The following PPP3CA variants were observed in gnomAD, a reference collection of about 807,000 sequenced individuals.
PPP3CA encodes the protein protein phosphatase 3 catalytic subunit alpha, also known as CAM-PRP catalytic subunit.
Under a neutral mutation model 66.5 loss-of-function variants are expected in PPP3CA, and 14 were observed. The ratio of observed to expected loss-of-function variants is 0.21; its 90% CI spans 0.14 to 0.33. The LOEUF (loss-of-function observed/expected upper bound fraction) is 0.33, where lower values mean the gene tolerates loss of function less well. Ranked by LOEUF, PPP3CA falls within the 10% of genes least tolerant of loss-of-function variation. PPP3CA has a pLI of 1.00. For synonymous variants in PPP3CA, 232 were observed against 226.2 expected (o/e 1.03, Z -0.23); for missense variants, 317 against 639.5 (o/e 0.50, Z 5.44).
chr4:101,037,051 C>A (rs1343796553), intron 11 of PPP3CA, among the ~76,000 whole-genome samples: 1 of 152,148 alleles, frequency 6.6e-6, no homozygotes, highest in Non-Finnish European at 1.5e-5. Context: ...ATCCAGAGAA[C>A]TGGGCTTCGA....
Position 101,025,412 on chromosome 4 carries a change from A to C in PPP3CA, c.*453T>G, listed in dbSNP as rs1372399937. The C allele has an allele frequency of 6.6e-6, 1 of 152,352 alleles. No individual in the cohort carries two copies. The highest frequency in any genetic ancestry group is 1.5e-5 in the Non-Finnish European group (1 of 68,146). The allele number at this position is 152,352 out of a possible 1,614,324, so 9.4% of individuals were successfully genotyped here. On this transcript the variant is annotated 3_prime_UTR_variant, in exon 14 of 14. Transcript: ENST00000394854. ...CTTAGTTTGTACATCATTTTGTTAA[A>C]AATGTTTGATGTCATCCATTTTTAG...
chr4:101,318,587 GCT>G (rs2092874414), intron 1 of PPP3CA, among the ~76,000 whole-genome samples: 2 of 152,082 alleles, frequency 1.3e-5, no homozygotes, highest in South Asian at 4.1e-4. Context: ...TGTGGTAACT[GCT>G]CTGTTTGTAT....
intron 6 of PPP3CA, among the ~76,000 whole-genome samples, chr4:101,088,568 G>C (rs1265800299): frequency 8.5e-6 from 1 of 117,168 alleles, no homozygotes. Context: ...CTGGGCGACA[G>C]AGCAAGACTC....
chr4:101,137,114 T>C (rs891377019), intron 2 of PPP3CA, among the ~76,000 whole-genome samples: 7 of 152,150 alleles, frequency 4.6e-5, no homozygotes, highest in Non-Finnish European at 1.0e-4. Flanking sequence ...TAATTTTCCT[T>C]GACTGTAAGA....
intron 1 of PPP3CA, among the ~76,000 whole-genome samples, chr4:101,260,505 C>T (rs1056455937): frequency 6.6e-6 from 1 of 152,018 alleles, no homozygotes; most frequent in African/African-American, 2.4e-5. Context: ...ATGGAAATAC[C>T]CAAGATCTCT....
intron 2 of PPP3CA, chr4:101,171,349 TCA>T: frequency 8.0e-6 from 1 of 125,362 alleles, no homozygotes; most frequent in East Asian, 1.9e-4. Flanking sequence ...AACAATTCTT[TCA>T]AAAAAAAAAA....
chr4:101,036,276 A>G (rs902224940), intron 11 of PPP3CA, among the ~76,000 whole-genome samples: 1 of 152,172 alleles, frequency 6.6e-6, no homozygotes, highest in African/African-American at 2.4e-5. Flanking sequence ...TTTTATTTCT[A>G]TTGGAAAGCA....
chr4:101,087,362 A>G (rs1369007543), intron 6 of PPP3CA, among the ~76,000 whole-genome samples: 5 of 152,212 alleles, frequency 3.3e-5, no homozygotes, highest in Admixed American at 3.3e-4. Flanking sequence ...ATACAGAAAA[A>G]GGCAAAAATT....
intron 1 of PPP3CA, among the ~76,000 whole-genome samples, chr4:101,339,073 T>A (rs893442528): frequency 6.6e-6 from 1 of 152,186 alleles, no homozygotes; most frequent in Non-Finnish European, 1.5e-5. Context: ...TAACTTTTCA[T>A]AGCCCATGTA....
intron 11 of PPP3CA, among the ~76,000 whole-genome samples, chr4:101,033,800 C>T (rs1727120248): frequency 6.6e-6 from 1 of 152,180 alleles, no homozygotes; most frequent in Non-Finnish European, 1.5e-5. Context: ...TTTCCTTCAG[C>T]CCTGTATCAC....
At chr4:101,152,677 A>G (rs13102391) in intron 2 of PPP3CA, among the ~76,000 whole-genome samples, 14,832 of 152,238 alleles carry the variant, frequency 0.097, 936 homozygotes, top group Non-Finnish European at 0.14. Flanking sequence ...TCTCCTTATC[A>G]ACCAATCAAC....
intron 1 of PPP3CA, among the ~76,000 whole-genome samples, chr4:101,254,281 C>A (rs1240313572): frequency 6.6e-6 from 1 of 151,920 alleles, no homozygotes; most frequent in East Asian, 1.9e-4. Flanking sequence ...ACATATTAAG[C>A]ACTTGATGAA....
chr4:101,332,375 A>C (rs1329106929), intron 1 of PPP3CA, among the ~76,000 whole-genome samples: 1 of 152,208 alleles, frequency 6.6e-6, no homozygotes, highest in Non-Finnish European at 1.5e-5. Context: ...TGAGATAGCA[A>C]AAAGTCAAAA....
chr4:101,299,180 T>C (rs1728298153), intron 1 of PPP3CA, among the ~76,000 whole-genome samples: 1 of 130,392 alleles, frequency 7.7e-6, no homozygotes. Flanking sequence ...CTTGAACTCC[T>C]GGCCTCAAGT....
intron 1 of PPP3CA, among the ~76,000 whole-genome samples, chr4:101,304,271 A>C (rs898260203): frequency 2.6e-5 from 4 of 152,120 alleles, no homozygotes; most frequent in African/African-American, 9.7e-5. Flanking sequence ...GAATTTCCTT[A>C]TAGTACTATC....
intron 2 of PPP3CA, among the ~76,000 whole-genome samples, chr4:101,172,015 G>A (rs190621622): frequency 1.3e-5 from 2 of 152,174 alleles, no homozygotes; most frequent in Admixed American, 6.5e-5. Context: ...CTTATTAAAC[G>A]AGTCATACTT....
chr4:101,123,076 T>G (rs1172358485), intron 2 of PPP3CA, among the ~76,000 whole-genome samples: 4 of 152,216 alleles, frequency 2.6e-5, no homozygotes, highest in Admixed American at 2.6e-4. Flanking sequence ...ACCACATTCT[T>G]TTAATATCCC....
chr4:101,106,453 G>GAAAGAGAAA (rs775018059), intron 3 of PPP3CA, among the ~76,000 whole-genome samples: 1 of 35,512 alleles, frequency 2.8e-5, no homozygotes, highest in Non-Finnish European at 5.3e-5. Flanking sequence ...AAGAAAGAAA[G>GAAAGAGAAA]AGAAAAGAAA....
At chr4:101,278,092 C>G (rs1578622136) in intron 1 of PPP3CA, among the ~76,000 whole-genome samples, 1 of 66,038 alleles carries the variant, frequency 1.5e-5, no homozygotes, top group Non-Finnish European at 2.8e-5. Context: ...TGGCACCAAA[C>G]ATAAAAAATG....
Sources: allele counts gnomAD v4.1 joint callset (sites outside exome capture counted in the v4.1 genomes callset), GRCh38; gene constraint gnomAD v4.1.1; transcripts MANE v1.5; gene names NCBI Gene and HGNC (gene_info 2026-07-23, HGNC 2026-07-21).